EMC1: variants seen among roughly 807,000 people sequenced by gnomAD.
EMC1 encodes the protein ER membrane protein complex subunit 1.
In EMC1, 103 loss-of-function variants were observed where a neutral mutation model predicts 128.8. The observed-to-expected ratio is 0.80, with a 90% CI of 0.68 to 0.94. EMC1 has a LOEUF of 0.94. EMC1 is among the 40% of genes least tolerant of loss of function. The pLI is 0.00. For synonymous variants in EMC1, 442 were observed against 490.4 expected (o/e 0.90, Z 1.30); for missense variants, 1,083 against 1,250.6 (o/e 0.87, Z 2.02).
At chr1:19,222,226 A>G (rs891411307) in intron 20 of EMC1, among the ~76,000 whole-genome samples, 2 of 152,160 alleles carry the variant, frequency 1.3e-5, no homozygotes, top group Non-Finnish European at 2.9e-5. Flanking sequence ...TCAGGAGGCC[A>G]AGGCAGGAGG....
At chr1:19,231,914 C>T (rs756503683) in intron 15 of EMC1, among the ~76,000 whole-genome samples, 15 of 152,120 alleles carry the variant, frequency 9.9e-5, no homozygotes, top group Non-Finnish European at 2.1e-4. Flanking sequence ...TGAGCCACCG[C>T]GCCTGGCTGC....
At chr1:19,220,574 T>G (rs1332709012) in intron 21 of EMC1, 190 bp downstream of exon 21, 1 of 465,398 alleles carries the variant, frequency 2.1e-6, no homozygotes, top group Non-Finnish European at 3.9e-6. Flanking sequence ...GTTTATCTTA[T>G]GTATTTATTG....
chr1:19,228,141 G>T (rs1391837187), intron 17 of EMC1, among the ~76,000 whole-genome samples: 1 of 149,284 alleles, frequency 6.7e-6, no homozygotes, highest in Non-Finnish European at 1.5e-5. Flanking sequence ...GGAGGTGGAG[G>T]TTGCAGTGAG....
intron 13 of EMC1, among the ~76,000 whole-genome samples, chr1:19,234,363 G>A (rs2093547337): frequency 1.3e-5 from 2 of 152,200 alleles, no homozygotes; most frequent in African/African-American, 4.8e-5. Context: ...TCAGAGCAGA[G>A]TGAATCAAGT....
intron 11 of EMC1, 51 bp from the exon 12 acceptor site, chr1:19,237,289 T>C (rs1473332248): frequency 1.5e-6 from 2 of 1,327,192 alleles, no homozygotes; most frequent in South Asian, 1.2e-5. Flanking sequence ...CAAATGCCTC[T>C]GAGAGCACCA....
Position 19,243,916 on chromosome 1 carries a change from C to A in EMC1, c.286+34G>T, listed in dbSNP as rs1203357671. 2.5e-6 allele frequency: 4 copies of A among 1,610,016 alleles called. No homozygotes were observed. The Admixed American group carries it at 6.7e-5, about 27-fold the overall frequency. On this transcript the variant is annotated intron_variant, in intron 3 of 22. Transcript: ENST00000477853. Reference sequence around the variant, plus strand: ...GCCAAGGAATGGGACAGGGAGCTGGCCGCACAATGGAGACACGGGAGGACT... The same window carrying A: ...GCCAAGGAATGGGACAGGGAGCTGGACGCACAATGGAGACACGGGAGGACT...
intron 17 of EMC1, among the ~76,000 whole-genome samples, chr1:19,230,504 A>C (rs895366063): frequency 3.3e-5 from 5 of 152,108 alleles, no homozygotes; most frequent in African/African-American, 4.8e-5. Flanking sequence ...AAGGAGGCAG[A>C]GGTTGCAGTG....
In EMC1 at chr1:19,216,034, G is replaced by T. The variant is rs577940694; in HGVS notation, c.*3269C>A. The T allele has an allele frequency of 6.6e-6, 1 of 152,148 alleles. No homozygotes were observed. The highest frequency in any genetic ancestry group is 2.1e-4 in the South Asian group (1 of 4,818). The allele number at this position is 152,148 out of a possible 1,614,324, so 9.4% of individuals were successfully genotyped here. A position where few individuals can be genotyped will look rare whatever the true frequency, so the allele number is the denominator to read the frequency against. ...ATTAGGAATCAGGAAATGAGTCTTGGGATGATTCTGATGATACTTTGTGTA... is the reference window on the plus strand; with the variant it reads ...ATTAGGAATCAGGAAATGAGTCTTGTGATGATTCTGATGATACTTTGTGTA... On this transcript the variant is annotated 3_prime_UTR_variant, in exon 23 of 23. Transcript: ENST00000477853.
intron 12 of EMC1, among the ~76,000 whole-genome samples, chr1:19,236,378 C>T (rs1435979375): frequency 6.6e-6 from 1 of 151,444 alleles, no homozygotes; most frequent in Non-Finnish European, 1.5e-5. Flanking sequence ...AAAAAAGAGC[C>T]AGGCACGGTG....
At position 19,227,464 on chromosome 1, in the gene EMC1, A is replaced by G. The variant is rs962063326; in HGVS notation, c.2065-14T>C. On this transcript the variant is annotated splice_polypyrimidine_tract_variant and intron_variant, in intron 17 of 22. Coordinates refer to ENST00000477853, the MANE Select transcript of EMC1 (RefSeq NM_015047.3). ...AGTGGTGAGATCCTAGGGCAGGGGC[A>G]AAAAAGCCTGTAATCAGGAGGGTAC... The G allele has an allele frequency of 6.2e-6, 10 of 1,613,894 alleles. No individual in the cohort carries two copies. Among genetic ancestry groups the G allele is most frequent in the Non-Finnish European group, 7.6e-6 (9 of 1,179,922 alleles).
rs189053401 is a variant in EMC1, at chr1:19,215,837, C to T, written c.*3466G>A. The stretch of plus-strand genomic sequence containing the variant: ...GGGATTACAGGCATGCACCACCACA[C>T]CTGGCTAAATTTTTTTATTTTTTTG... On this transcript the variant is annotated 3_prime_UTR_variant, in exon 23 of 23. Transcript: ENST00000477853. The T allele has an allele frequency of 7.9e-5, 12 of 152,206 alleles. No individual in the cohort carries two copies. Among genetic ancestry groups the T allele is most frequent in the Admixed American group, 3.3e-4 (5 of 15,284 alleles). 9.4% of individuals were successfully genotyped at this position (152,206 alleles called of 1,614,324 possible).
chr1:19,227,227 G>A (rs2093481785), intron 18 of EMC1, 86 bp downstream of exon 18: 1 of 1,485,888 alleles, frequency 6.7e-7, no homozygotes, highest in Non-Finnish European at 9.3e-7. Context: ...GGTCATATAT[G>A]TACCAAGTCC....
intron 11 of EMC1, among the ~76,000 whole-genome samples, chr1:19,237,726 A>T (rs2093576425): frequency 6.6e-6 from 1 of 152,212 alleles, no homozygotes; most frequent in Non-Finnish European, 1.5e-5. Context: ...CAGGCCACAG[A>T]ATCATTTTAA....
intron 17 of EMC1, among the ~76,000 whole-genome samples, 187 bp from the exon 18 acceptor site, chr1:19,227,637 C>T (rs559935732): frequency 2.0e-5 from 3 of 152,236 alleles, no homozygotes; most frequent in East Asian, 3.9e-4. Context: ...GAGGCCAAGG[C>T]GGGCGGATCA....
rs757160522 is a variant in EMC1 at position 19,230,826 on chromosome 1, C to G, written c.2064+18G>C. ...GCATCTCATCCACAAAGGGTTGTGC[C>G]AGGACATGCCTTCCTACCTTTCGAA... On this transcript the variant is annotated intron_variant, in intron 17 of 22. Transcript: ENST00000477853. 2 of 1,613,896 alleles carry G rather than the reference C, an allele frequency of 1.2e-6. No individual in the cohort carries two copies. The highest frequency in any genetic ancestry group is 2.2e-5 in the South Asian group (2 of 91,068).
chr1:19,230,427 G>A (rs1156311457), intron 17 of EMC1, among the ~76,000 whole-genome samples: 4 of 151,204 alleles, frequency 2.6e-5, no homozygotes, highest in African/African-American at 4.9e-5. Context: ...AAAATTAGCC[G>A]GGCGCGGTGG....
intron 1 of EMC1, among the ~76,000 whole-genome samples, chr1:19,248,055 AT>A (rs2151966619): frequency 6.6e-6 from 1 of 151,826 alleles, no homozygotes; most frequent in South Asian, 2.1e-4. Context: ...AGAAACAGGC[AT>A]TGTTATCACA....
At chr1:19,237,021 C>T in intron 12 of EMC1, 121 bp downstream of exon 12, 1 of 569,472 alleles carries the variant, frequency 1.8e-6, no homozygotes. Flanking sequence ...GAACGAAACA[C>T]TCAGGGCACA....
At chr1:19,220,944 A>C in intron 20 of EMC1, 96 bp from the exon 21 acceptor site, 3 of 896,354 alleles carry the variant, frequency 3.3e-6, no homozygotes, top group Non-Finnish European at 5.2e-6. Context: ...TAAGAATTTA[A>C]AACAAAAAAA....
Sources: gnomAD v4.1 joint callset for allele counts (sites outside exome capture counted in the v4.1 genomes callset) on GRCh38, gnomAD v4.1.1 for gene constraint, MANE v1.5 for transcripts, NCBI Gene and HGNC (gene_info 2026-07-23, HGNC 2026-07-21) for gene names.